Variants in RGL1 observed in about 807,000 individuals in gnomAD.
The protein encoded by RGL1 is ral guanine nucleotide dissociation stimulator like 1, also known as ral guanine nucleotide dissociation stimulator-like 1.
A neutral mutation model predicts 95.2 loss-of-function variants in RGL1; 24 were observed. That is an observed-to-expected ratio of 0.25 (90% confidence interval 0.18 to 0.35). The LOEUF (loss-of-function observed/expected upper bound fraction) is 0.35, where lower values mean the gene tolerates loss of function less well. Ranked by LOEUF, RGL1 falls within the 10% of genes least tolerant of loss-of-function variation. The pLI, the probability that RGL1 is intolerant of heterozygous loss-of-function variation, is 1.00. For synonymous variants in RGL1, 329 were observed against 344.9 expected, an observed-to-expected ratio of 0.95 and a Z score of 0.51; for missense variants, 715 against 936.3, an observed-to-expected ratio of 0.76 and a Z score of 3.08.
At chr1:183,845,225 G>C (rs7529125) in intron 2 of RGL1, among the ~76,000 whole-genome samples, 1 of 152,136 alleles carries the variant, frequency 6.6e-6, no homozygotes, top group Admixed American at 6.5e-5. Context: ...GCGATTGTTC[G>C]CATCACTTAG....
intron 2 of RGL1, among the ~76,000 whole-genome samples, chr1:183,761,758 G>T (rs1658677279): frequency 6.6e-6 from 1 of 152,124 alleles, no homozygotes; most frequent in Admixed American, 6.5e-5. Context: ...AGACTATTTT[G>T]TCTACATTGA....
chr1:183,814,496 C>G (rs776070359), intron 2 of RGL1, among the ~76,000 whole-genome samples: 1 of 152,150 alleles, frequency 6.6e-6, no homozygotes, highest in Non-Finnish European at 1.5e-5. Flanking sequence ...ATCTGTGGTC[C>G]ATTCATTTGA....
At chr1:183,659,475 A>G (rs1258353711) in intron 1 of RGL1, among the ~76,000 whole-genome samples, 1 of 152,214 alleles carries the variant, frequency 6.6e-6, no homozygotes, top group African/African-American at 2.4e-5. Flanking sequence ...AGATGAGATG[A>G]ATGAAATGAA....
At chr1:183,647,263 C>T (rs1345683465) in intron 1 of RGL1, 1 of 156,174 alleles carries the variant, frequency 6.4e-6, no homozygotes, top group African/African-American at 2.4e-5. Context: ...GCAAACAGCA[C>T]TTAATGTCAG....
At chr1:183,785,904 G>C (rs925439516) in intron 2 of RGL1, among the ~76,000 whole-genome samples, 1 of 152,008 alleles carries the variant, frequency 6.6e-6, no homozygotes, top group African/African-American at 2.4e-5. Context: ...GGGCAACAGA[G>C]TGTGACCCCA....
At chr1:183,760,205 C>A (rs1196971400) in intron 2 of RGL1, among the ~76,000 whole-genome samples, 1 of 152,096 alleles carries the variant, frequency 6.6e-6, no homozygotes, top group Non-Finnish European at 1.5e-5. Context: ...TGCTAATGAT[C>A]ATTTGAGCCT....
At chr1:183,733,222 G>C (rs1429166285) in intron 1 of RGL1, among the ~76,000 whole-genome samples, 2 of 152,094 alleles carry the variant, frequency 1.3e-5, no homozygotes, top group East Asian at 3.8e-4. Context: ...AGTATACATG[G>C]ATCGTGACCA....
intron 1 of RGL1, among the ~76,000 whole-genome samples, chr1:183,676,710 G>A (rs77398368): frequency 0.082 from 11,586 of 141,154 alleles, 878 homozygotes; most frequent in African/African-American, 0.2. Flanking sequence ...CCCCTGGGCT[G>A]TGTCTCATAG....
intron 1 of RGL1, among the ~76,000 whole-genome samples, chr1:183,706,756 G>T (rs1222260768): frequency 6.6e-6 from 1 of 152,202 alleles, no homozygotes; most frequent in Non-Finnish European, 1.5e-5. Context: ...GCAAGCATTT[G>T]AAACTCTGCC....
At chr1:183,799,909 A>G (rs1660896164) in intron 2 of RGL1, among the ~76,000 whole-genome samples, 5 of 152,244 alleles carry the variant, frequency 3.3e-5, no homozygotes, top group Admixed American at 3.3e-4. Flanking sequence ...GTGTGAAAGT[A>G]GAGAGAGGAG....
chr1:183,820,113 AAAG>A (rs1257515756), intron 2 of RGL1, among the ~76,000 whole-genome samples: 2 of 152,076 alleles, frequency 1.3e-5, no homozygotes, highest in Non-Finnish European at 2.9e-5. Context: ...GTTTTGATTT[AAAG>A]AAGAAGAAAA....
chr1:183,670,544 C>T (rs997316272), intron 1 of RGL1, among the ~76,000 whole-genome samples: 1 of 152,184 alleles, frequency 6.6e-6, no homozygotes, highest in Admixed American at 6.5e-5. Context: ...TCTAGCAATC[C>T]ATTAATTACA....
intron 4 of RGL1, among the ~76,000 whole-genome samples, chr1:183,873,505 C>T (rs1666306442): frequency 2.0e-5 from 3 of 152,250 alleles, no homozygotes; most frequent in East Asian, 1.9e-4. Context: ...GATATTTGAA[C>T]TCCCGTCCAA....
At chr1:183,766,069 CT>C (rs1000314352) in intron 2 of RGL1, among the ~76,000 whole-genome samples, 3 of 151,282 alleles carry the variant, frequency 2.0e-5, no homozygotes, top group Non-Finnish European at 4.4e-5. Flanking sequence ...TACCCTAAAA[CT>C]TAAAGTATAA....
At chr1:183,825,075 A>G (rs1662756168) in intron 2 of RGL1, among the ~76,000 whole-genome samples, 2 of 152,238 alleles carry the variant, frequency 1.3e-5, no homozygotes, top group Admixed American at 1.3e-4. Context: ...GAGGAGTCAA[A>G]GATAATTCCA....
intron 4 of RGL1, among the ~76,000 whole-genome samples, chr1:183,867,859 A>T (rs1665932223): frequency 6.6e-6 from 1 of 152,176 alleles, no homozygotes; most frequent in African/African-American, 2.4e-5. Flanking sequence ...AGAGTTACTG[A>T]TAGACTCCTT....
intron 4 of RGL1, among the ~76,000 whole-genome samples, chr1:183,872,966 A>G (rs961246665): frequency 3.9e-5 from 6 of 152,238 alleles, no homozygotes; most frequent in African/African-American, 7.2e-5. Flanking sequence ...GTGATATGCC[A>G]TATCGAAGAG....
intron 3 of RGL1, among the ~76,000 whole-genome samples, chr1:183,863,611 A>G (rs564758458): frequency 2.2e-4 from 33 of 152,258 alleles, no homozygotes; most frequent in African/African-American, 7.7e-4. Flanking sequence ...ACTATCCAAG[A>G]TAGTGTAGTT....
chr1:183,714,403 C>G (rs193277672), intron 1 of RGL1, among the ~76,000 whole-genome samples: 85 of 152,316 alleles, frequency 5.6e-4, no homozygotes, highest in African/African-American at 1.6e-3. Context: ...CCTATTCCAT[C>G]TATTCTAGCT....
Sources: gnomAD v4.1 joint callset for allele counts (sites outside exome capture counted in the v4.1 genomes callset) on GRCh38, gnomAD v4.1.1 for gene constraint, MANE v1.5 for transcripts, NCBI Gene and HGNC (gene_info 2026-07-23, HGNC 2026-07-21) for gene names.